Variants in CHMP7 observed in about 807,000 individuals in gnomAD.
CHMP7 encodes charged multivesicular body protein 7, also known as CHMP family, member 7.
A neutral mutation model predicts 53.7 loss-of-function variants in CHMP7; 15 were observed. That is an observed-to-expected ratio of 0.28 (90% CI 0.19 to 0.43). The LOEUF (loss-of-function observed/expected upper bound fraction) is 0.43. Ranked by LOEUF, CHMP7 falls within the 20% of genes least tolerant of loss-of-function variation. The pLI, the probability that CHMP7 is intolerant of heterozygous loss-of-function variation, is 1.00. For missense variants in CHMP7, 527 were observed against 569.4 expected (o/e 0.93, Z 0.76); for synonymous variants, 261 against 228.0 (o/e 1.14, Z -1.30).
intron 3 of CHMP7, among the ~76,000 whole-genome samples, chr8:23,250,934 AT>A (rs1413414985): frequency 6.6e-6 from 1 of 151,872 alleles, no homozygotes; most frequent in Non-Finnish European, 1.5e-5. Flanking sequence ...AGCAGCCCAC[AT>A]TTTCTTCAGG....
At chr8:23,255,516 G>A in intron 4 of CHMP7, 84 bp downstream of exon 4, 2 of 1,324,764 alleles carry the variant, frequency 1.5e-6, no homozygotes, top group South Asian at 1.2e-5. Flanking sequence ...TCAGATTTTG[G>A]TTTCCAGAGT....
Position 23,249,311 on chromosome 8 carries a change from C to G in CHMP7, c.401C>G (p.Thr134Ser). The change falls in exon 3 of 11, where the codon ACT becomes AGT. Residue 134 changes from threonine (T) to serine (S), a missense_variant. Physicochemically the swap from Thr to Ser is moderately conservative, Grantham distance 58. Transcript: ENST00000397677. ...GVFLLKPLKW[T>S]LSNMLGDNKV... ...TTCCTGCTGAAGCCTCTCAAGTGGA[C>G]TCTTTCTAACATGCTGGGAGATAAT... 4 of 1,613,428 alleles carry G rather than the reference C, an allele frequency of 2.5e-6. No individual in the cohort carries two copies. Among genetic ancestry groups the G allele is most frequent in the Non-Finnish European group, 3.4e-6 (4 of 1,179,750 alleles).
At chr8:23,258,250 T>G (rs944230315) in intron 6 of CHMP7, 80 bp from the exon 7 acceptor site, 10 of 1,586,982 alleles carry the variant, frequency 6.3e-6, no homozygotes, top group Non-Finnish European at 8.6e-6. Context: ...TGGGACATCC[T>G]TAGCGTCTGG....
At chr8:23,257,772 A>C (rs1802198009) in intron 5 of CHMP7, among the ~76,000 whole-genome samples, 1 of 152,230 alleles carries the variant, frequency 6.6e-6, no homozygotes. Flanking sequence ...AGATGTGTAT[A>C]ATGTGCCCTG....
chr8:23,260,256 G>A lies in CHMP7; in HGVS notation c.1233G>A (p.Val411=), dbSNP rs1468487545. The A allele has an allele frequency of 6.2e-7, 1 of 1,614,168 alleles. No homozygotes were observed. Residue 411 remains valine (V), a synonymous_variant, in exon 10 of 11, where the codon GTG becomes GTA. Transcript: ENST00000397677. ...NPRNRHFTNS[V]PNPRISDAEL... ...GCAATAGGCATTTTACCAACAGCGTGCCTAACCCTAGGATCTCAGATGCTG... is the reference window on the plus strand; with the variant it reads ...GCAATAGGCATTTTACCAACAGCGTACCTAACCCTAGGATCTCAGATGCTG...
intron 1 of CHMP7, among the ~76,000 whole-genome samples, chr8:23,244,404 C>T (rs934898628): frequency 6.6e-6 from 1 of 152,184 alleles, no homozygotes; most frequent in Non-Finnish European, 1.5e-5. Flanking sequence ...TGAAAAGACT[C>T]TTTGAACCAT....
In CHMP7 at chr8:23,253,061, C is replaced by T. The variant is rs1054803840; in HGVS notation, c.472-2186C>T. Among the ~76,000 whole-genome samples the T allele has an allele frequency of 3.9e-5, 6 of 152,196 alleles. No individual in the cohort carries two copies. In the East Asian group the frequency reaches 5.8e-4, roughly 15 times the overall value. On this transcript the variant is annotated intron_variant, in intron 3 of 10. Coordinates refer to ENST00000397677, the MANE Select transcript of CHMP7 (RefSeq NM_152272.5). ...ACGCTGCAAGTTCTCCTTGATTCCC[C>T]CAAAGCAGTCCTTCTGTCTCTCTTT...
chr8:23,246,625 G>A lies in CHMP7; in HGVS notation c.-71G>A. 7.5e-7 allele frequency: 1 copy of A among 1,332,214 alleles called. No homozygotes were observed. Among genetic ancestry groups the A allele is most frequent in the East Asian group, 2.5e-5 (1 of 39,614 alleles). The allele number at this position is 1,332,214 out of a possible 1,614,324, so 82.5% of individuals were successfully genotyped here. ...AGGAGGTGGTCAAGGAACGGAAGCC[G>A]GGAGGGAACGAGGGCGGAAGCGGAC... On this transcript the variant is annotated 5_prime_UTR_variant, in exon 2 of 11. Coordinates refer to ENST00000397677, the MANE Select transcript of CHMP7 (RefSeq NM_152272.5).
chr8:23,248,435 C>G (rs1801795359), intron 2 of CHMP7, among the ~76,000 whole-genome samples: 1 of 152,196 alleles, frequency 6.6e-6, no homozygotes, highest in Non-Finnish European at 1.5e-5. Flanking sequence ...TGTCAAAAAT[C>G]ACAATTACTT....
chr8:23,247,490 G>T (rs1454097377), intron 2 of CHMP7, among the ~76,000 whole-genome samples: 1 of 152,214 alleles, frequency 6.6e-6, no homozygotes, highest in East Asian at 1.9e-4. Flanking sequence ...AGGCTTTTTG[G>T]AGCAGAGAGG....
Position 23,260,282 on chromosome 8 carries a change from A to T in CHMP7, c.1259A>T (p.Glu420Val). The change falls in exon 10 of 11, where the codon GAA (glutamate) becomes GTA (valine). Residue 420 changes from glutamate (E) to valine (V), a missense_variant. By Grantham distance (121) the Glu-to-Val change is moderately radical. Coordinates refer to ENST00000397677, the MANE Select transcript of CHMP7 (RefSeq NM_152272.5). ...CCTAACCCTAGGATCTCAGATGCTGAACTTGAAGCTGAACTTGAGAAACTG... is the reference window on the plus strand; with the variant it reads ...CCTAACCCTAGGATCTCAGATGCTGTACTTGAAGCTGAACTTGAGAAACTG... ...SVPNPRISDA[E>V]LEAELEKLSL... 1 of 1,614,184 alleles carries T rather than the reference A, an allele frequency of 6.2e-7. No homozygotes were observed. The highest frequency in any genetic ancestry group is 8.5e-7 in the Non-Finnish European group (1 of 1,180,030).
chr8:23,246,877 T>C lies in CHMP7; in HGVS notation c.182T>C (p.Leu61Pro). The change falls in exon 2 of 11, where the codon CTG becomes CCG. Residue 61 changes from leucine (L) to proline (P), a missense_variant. Physicochemically the swap from Leu to Pro is moderately conservative, Grantham distance 98. Coordinates refer to ENST00000397677, the MANE Select transcript of CHMP7 (RefSeq NM_152272.5). ...SKMGFWAPLV[L>P]SHSRRQGVVR... ...ATGGGCTTCTGGGCGCCGTTGGTGC[T>C]GAGCCACAGCCGCCGCCAGGGGGTG... is the stretch of plus-strand genomic sequence containing the variant. 1 of 1,591,218 alleles carries C rather than the reference T, an allele frequency of 6.3e-7. No individual in the cohort carries two copies. Among genetic ancestry groups the C allele is most frequent in the Middle Eastern group, 1.7e-4 (1 of 5,894 alleles).
At position 23,259,209 on chromosome 8, in the gene CHMP7, C is replaced by T. The variant is rs1184729606; in HGVS notation, c.1120+83C>T. ...TTTGAGACGGAGTCTCGCTCTGTCG[C>T]CCAGGCTGGAGTGCAGTGGCGGGAT... On this transcript the variant is annotated intron_variant, in intron 9 of 10. Transcript: ENST00000397677. The T allele has an allele frequency of 1.1e-4, 82 of 730,522 alleles. No individual in the cohort carries two copies. The Admixed American group carries it at 1.4e-3, about 12-fold the overall frequency. The allele number at this position is 730,522 out of a possible 1,614,324, so 45.3% of individuals were successfully genotyped here. A position where few individuals can be genotyped will look rare whatever the true frequency, so the allele number is the denominator to read the frequency against.
At position 23,261,684 on chromosome 8, in the gene CHMP7, G is replaced by A. The variant is rs1161518159; in HGVS notation, c.*1085G>A. The A allele has an allele frequency of 6.6e-6, 1 of 152,664 alleles. No individual in the cohort carries two copies. The highest frequency in any genetic ancestry group is 1.9e-4 in the East Asian group (1 of 5,192). The allele number at this position is 152,664 out of a possible 1,614,324, so 9.5% of individuals were successfully genotyped here. A position where few individuals can be genotyped will look rare whatever the true frequency, so the allele number is the denominator to read the frequency against. Reference sequence around the variant, plus strand: ...CACTCCCTGCCTCCTTTGAGGGACTGGGGGACTTGGGGTAGGGGGACAGAC... The same window carrying A: ...CACTCCCTGCCTCCTTTGAGGGACTAGGGGACTTGGGGTAGGGGGACAGAC... On this transcript the variant is annotated 3_prime_UTR_variant, in exon 11 of 11. Transcript: ENST00000397677.
chr8:23,247,437 A>G (rs1015132541), intron 2 of CHMP7, among the ~76,000 whole-genome samples: 4 of 152,208 alleles, frequency 2.6e-5, no homozygotes, highest in Non-Finnish European at 5.9e-5. Context: ...CATCTTGCCA[A>G]CAACCCCTGG....
Position 23,261,038 on chromosome 8 carries a change from T to C in CHMP7, c.*439T>C, listed in dbSNP as rs1802365121. 5.6e-6 allele frequency: 1 copy of C among 179,922 alleles called. No individual in the cohort carries two copies. The highest frequency in any genetic ancestry group is 1.2e-5 in the Non-Finnish European group (1 of 84,932). 11.1% of individuals were successfully genotyped at this position (179,922 alleles called of 1,614,324 possible). On this transcript the variant is annotated 3_prime_UTR_variant, in exon 11 of 11. Transcript: ENST00000397677. ...TGTCGCTAATGTCAGTTAAATAGCT[T>C]ATTCCTGTCCCACTTGATTTCACTG...
At chr8:23,259,220 G>A (rs538596612) in intron 9 of CHMP7, 94 bp downstream of exon 9, 5 of 631,594 alleles carry the variant, frequency 7.9e-6, no homozygotes, top group Admixed American at 3.1e-5. Context: ...CCAGGCTGGA[G>A]TGCAGTGGCG....
At chr8:23,253,087 T>C (rs941797750) in intron 3 of CHMP7, among the ~76,000 whole-genome samples, 11 of 152,306 alleles carry the variant, frequency 7.2e-5, no homozygotes, top group African/African-American at 2.6e-4. Flanking sequence ...GTCTCTCTTT[T>C]GTGGCTTCCT....
intron 5 of CHMP7, among the ~76,000 whole-genome samples, chr8:23,257,734 G>T (rs1389168042): frequency 2.0e-5 from 3 of 152,224 alleles, no homozygotes; most frequent in Non-Finnish European, 4.4e-5. Context: ...GGTGTTAACA[G>T]TTCCTTCCCT....
Sources: gnomAD v4.1 joint callset for allele counts (sites outside exome capture counted in the v4.1 genomes callset) on GRCh38, gnomAD v4.1.1 for gene constraint, MANE v1.5 for transcripts, NCBI Gene and HGNC (gene_info 2026-07-23, HGNC 2026-07-21) for gene names.